AFG1L: variants seen among roughly 807,000 people sequenced by gnomAD.
The protein encoded by AFG1L is AFG1-like ATPase.
In AFG1L, 53 loss-of-function variants were observed where a neutral mutation model predicts 62.2. That is an observed-to-expected ratio of 0.85 (90% CI 0.68 to 1.07). AFG1L has a LOEUF of 1.07. Ranked by LOEUF, AFG1L falls within the 50% of genes least tolerant of loss-of-function variation. The probability of loss-of-function intolerance (pLI) is 0.00; values close to 1 mark genes in which losing one functional copy is unlikely to be tolerated. For synonymous variants in AFG1L, 228 were observed against 210.3 expected (o/e 1.08, Z -0.73); for missense variants, 555 against 590.5 (o/e 0.94, Z 0.62).
chr6:108,352,913 TGAATCTGGGGATGTA>T (rs986702389), intron 3 of AFG1L, among the ~76,000 whole-genome samples: 8 of 152,156 alleles, frequency 5.3e-5, no homozygotes, highest in African/African-American at 1.9e-4. Context: ...CACTGTTGGT[TGAATCTGGGGATGTA>T]GAAACTAGAT....
Position 108,421,636 on chromosome 6 carries a change from C to G in AFG1L, c.807+19582C>G, listed in dbSNP as rs547183964. On this transcript the variant is annotated intron_variant, in intron 7 of 12. Transcript: ENST00000368977. ...AGAGTGAATGGACCCTGCACCCCCC[C>G]TGTCTGCTTTAGACCAAGGACTTTT... is the stretch of plus-strand genomic sequence containing the variant. 1.7e-4 allele frequency among the ~76,000 whole-genome samples: 26 copies of G among 152,188 alleles called. No homozygotes were observed. In the East Asian group the frequency reaches 4.8e-3, roughly 28 times the overall value.
At chr6:108,500,938 A>G (rs953996579) in intron 10 of AFG1L, among the ~76,000 whole-genome samples, 1 of 151,502 alleles carries the variant, frequency 6.6e-6, no homozygotes, top group Non-Finnish European at 1.5e-5. Context: ...ATCTTTGTTG[A>G]CCACTTGTAT....
chr6:108,435,997 C>T (rs1317699071), intron 7 of AFG1L, among the ~76,000 whole-genome samples: 1 of 152,142 alleles, frequency 6.6e-6, no homozygotes, highest in African/African-American at 2.4e-5. Flanking sequence ...CAGACATGAT[C>T]CTGGTCACAT....
intron 5 of AFG1L, 67 bp from the exon 6 acceptor site, chr6:108,366,166 G>T: frequency 1.2e-6 from 1 of 862,630 alleles, no homozygotes; most frequent in South Asian, 1.7e-5. Context: ...AAAAAAAGAT[G>T]ATCCACTAGC....
At chr6:108,465,843 AT>A (rs1191950154) in intron 8 of AFG1L, among the ~76,000 whole-genome samples, 1 of 152,028 alleles carries the variant, frequency 6.6e-6, no homozygotes, top group Non-Finnish European at 1.5e-5. Context: ...AGTTCTTTTA[AT>A]TTAATTTAAC....
intron 5 of AFG1L, among the ~76,000 whole-genome samples, chr6:108,358,754 G>A (rs1422191059): frequency 1.3e-5 from 2 of 152,082 alleles, no homozygotes; most frequent in African/African-American, 2.4e-5. Flanking sequence ...GGCTGGTCGC[G>A]AACTCCTCAC....
At chr6:108,410,618 T>G (rs1782056209) in intron 7 of AFG1L, among the ~76,000 whole-genome samples, 1 of 152,214 alleles carries the variant, frequency 6.6e-6, no homozygotes, top group South Asian at 2.1e-4. Context: ...ACTTTAAGAT[T>G]TTATACCACC....
At chr6:108,347,594 C>G (rs1460749276) in intron 3 of AFG1L, among the ~76,000 whole-genome samples, 1 of 152,172 alleles carries the variant, frequency 6.6e-6, no homozygotes. Flanking sequence ...TGAGTGGTCA[C>G]TTCTTTCTAG....
intron 1 of AFG1L, among the ~76,000 whole-genome samples, chr6:108,306,222 G>T (rs1420969691): frequency 6.6e-6 from 1 of 152,192 alleles, no homozygotes; most frequent in African/African-American, 2.4e-5. Flanking sequence ...GCATTTCACA[G>T]AAGCATAGAG....
chr6:108,515,546 C>T (rs1052494438), intron 11 of AFG1L, among the ~76,000 whole-genome samples: 5 of 151,966 alleles, frequency 3.3e-5, no homozygotes, highest in African/African-American at 1.2e-4. Flanking sequence ...CAAGAGAAAG[C>T]AGGAAAGATC....
chr6:108,366,170 C>T (rs1442265952), intron 5 of AFG1L, 63 bp from the exon 6 acceptor site: 4 of 905,294 alleles, frequency 4.4e-6, no homozygotes, highest in East Asian at 2.5e-5. Flanking sequence ...AAAGATGATC[C>T]ACTAGCAAAT....
At chr6:108,405,716 C>A (rs757239405) in intron 7 of AFG1L, among the ~76,000 whole-genome samples, 1 of 152,172 alleles carries the variant, frequency 6.6e-6, no homozygotes, top group Non-Finnish European at 1.5e-5. Flanking sequence ...CAAGCACCAC[C>A]ATGATTCATC....
At chr6:108,465,821 T>A (rs1319183280) in intron 8 of AFG1L, among the ~76,000 whole-genome samples, 3 of 152,192 alleles carry the variant, frequency 2.0e-5, no homozygotes, top group Non-Finnish European at 4.4e-5. Flanking sequence ...TGTTTATTTT[T>A]AATTTTTAAT....
intron 7 of AFG1L, among the ~76,000 whole-genome samples, chr6:108,409,293 A>G (rs1355371824): frequency 2.6e-5 from 4 of 152,148 alleles, no homozygotes; most frequent in Non-Finnish European, 5.9e-5. Flanking sequence ...TGAACAGGTG[A>G]ATTTTGCTCA....
intron 10 of AFG1L, among the ~76,000 whole-genome samples, chr6:108,478,811 A>T (rs1223135496): frequency 6.6e-6 from 1 of 152,268 alleles, no homozygotes; most frequent in East Asian, 1.9e-4. Flanking sequence ...TCCACATTTT[A>T]AAAATATGCT....
chr6:108,314,155 C>T (rs1230707363), intron 1 of AFG1L, among the ~76,000 whole-genome samples: 1 of 151,804 alleles, frequency 6.6e-6, no homozygotes, highest in Non-Finnish European at 1.5e-5. Flanking sequence ...TGCTTGAACC[C>T]GGAAGGTGGA....
chr6:108,302,278 C>T (rs1372598140), intron 1 of AFG1L, among the ~76,000 whole-genome samples: 1 of 152,158 alleles, frequency 6.6e-6, no homozygotes, highest in Non-Finnish European at 1.5e-5. Flanking sequence ...TACCACAGTT[C>T]TTGAAACATA....
intron 7 of AFG1L, among the ~76,000 whole-genome samples, chr6:108,411,256 G>T (rs111699146): frequency 6.6e-6 from 1 of 152,210 alleles, no homozygotes; most frequent in Middle Eastern, 3.2e-3. Flanking sequence ...TAAACAAAGC[G>T]TCCTGGAAGC....
intron 3 of AFG1L, among the ~76,000 whole-genome samples, chr6:108,348,634 T>C (rs1352967900): frequency 6.6e-6 from 1 of 152,260 alleles, no homozygotes; most frequent in African/African-American, 2.4e-5. Flanking sequence ...ATTGGTACTT[T>C]TGAGACCAAT....
Sources: gnomAD v4.1 joint callset for allele counts (sites outside exome capture counted in the v4.1 genomes callset) on GRCh38, gnomAD v4.1.1 for gene constraint, MANE v1.5 for transcripts, NCBI Gene and HGNC (gene_info 2026-07-23, HGNC 2026-07-21) for gene names.